Variants in TRIM48 observed in about 807,000 individuals in gnomAD.
TRIM48 encodes E3 ubiquitin-protein ligase TRIM48.
In TRIM48, 31 loss-of-function variants were observed where a neutral mutation model predicts 29.5. That is an observed-to-expected ratio of 1.05 (90% CI 0.79 to 1.42). The LOEUF (loss-of-function observed/expected upper bound fraction) is 1.42. TRIM48 is among the 40% of genes most tolerant of loss of function. TRIM48 has a pLI of 0.00. For missense variants in TRIM48, 344 were observed against 265.0 expected (o/e 1.30, Z -2.07); for synonymous variants, 128 against 90.6 (o/e 1.41, Z -2.34).
rs1857472411 is a variant in TRIM48 at position 55,270,774 on chromosome 11, G to A, written c.*339G>A. The A allele has an allele frequency of 4.4e-6, 7 of 1,573,092 alleles. 1 individual carries two copies. In the Admixed American group the frequency reaches 5.1e-5, roughly 12 times the overall value. On this transcript the variant is annotated 3_prime_UTR_variant, in exon 6 of 6. Transcript: ENST00000417545. ...TCTTTACCACCTCCCCAATTACACT[G>A]CAGTATGTCCCAAGACCTACCAACC...
rs1358839604 is a variant in TRIM48 at position 55,269,371 on chromosome 11, T to C, written c.*1+32T>C. The C allele has an allele frequency of 5.1e-6, 8 of 1,562,956 alleles. 1 individual carries two copies. The African/African-American group carries it at 6.8e-5, about 13-fold the overall frequency. ...CTCCACCCACAGGCAGCACCCCCACTATCTAAATATTATTATTGTTAGGAT... is the reference window on the plus strand; with the variant it reads ...CTCCACCCACAGGCAGCACCCCCACCATCTAAATATTATTATTGTTAGGAT... On this transcript the variant is annotated intron_variant, in intron 5 of 5. Coordinates refer to ENST00000417545, the MANE Select transcript of TRIM48 (RefSeq NM_024114.5).
At chr11:55,269,971 G>C (rs1417707748) in intron 5 of TRIM48, among the ~76,000 whole-genome samples, 2 of 147,892 alleles carry the variant, frequency 1.4e-5, no homozygotes. Context: ...GCAGAAATCT[G>C]CTTCAAATGA....
rs1223900177 is a variant in TRIM48, at chr11:55,269,109, A to G, written c.579-133A>G. On this transcript the variant is annotated intron_variant, in intron 4 of 5. Transcript: ENST00000417545. ...ACTGTAAATAGAAATTAATTCCAAA[A>G]AGGAAGGAATAATTTTTGAATTATC... The G allele has an allele frequency of 5.2e-6, 7 of 1,344,294 alleles. 1 individual carries two copies. The highest frequency in any genetic ancestry group is 1.5e-5 in the African/African-American group (1 of 68,384). 83.3% of individuals were successfully genotyped at this position (1,344,294 alleles called of 1,614,324 possible).
Position 55,262,213 on chromosome 11 carries a change from A to C in TRIM48, c.-55A>C. ...GGGAGCTGTGTTTTGGTGACCTCTGAAACTCAGTACTGCAGCGAATGAGCT... is the reference window on the plus strand; with the variant it reads ...GGGAGCTGTGTTTTGGTGACCTCTGCAACTCAGTACTGCAGCGAATGAGCT... On this transcript the variant is annotated 5_prime_UTR_variant, in exon 1 of 6. Coordinates refer to ENST00000417545, the MANE Select transcript of TRIM48 (RefSeq NM_024114.5). 1 of 1,448,220 alleles carries C rather than the reference A, an allele frequency of 6.9e-7. No homozygotes were observed. Among genetic ancestry groups the C allele is most frequent in the Non-Finnish European group, 9.5e-7 (1 of 1,054,800 alleles). The allele number at this position is 1,448,220 out of a possible 1,614,324, so 89.7% of individuals were successfully genotyped here. A position where few individuals can be genotyped will look rare whatever the true frequency, so the allele number is the denominator to read the frequency against.
chr11:55,268,303 T>G (rs780396000), intron 3 of TRIM48, 47 bp from the exon 4 acceptor site: 2 of 1,445,246 alleles, frequency 1.4e-6, no homozygotes, highest in African/African-American at 2.9e-5. Flanking sequence ...TAATGAAAGA[T>G]GCATCTTGTG....
At position 55,264,839 on chromosome 11, in the gene TRIM48, A is replaced by G. The variant is rs1218604367; in HGVS notation, c.45-61A>G. 46 of 1,571,544 alleles carry G rather than the reference A, an allele frequency of 2.9e-5. 7 individuals carry two copies. Among genetic ancestry groups the G allele is most frequent in the Non-Finnish European group, 3.7e-5 (43 of 1,158,272 alleles). On this transcript the variant is annotated intron_variant, in intron 1 of 5. Coordinates refer to ENST00000417545, the MANE Select transcript of TRIM48 (RefSeq NM_024114.5). ...AACTATAGCTATCACTTATCTCCAC[A>G]TGTTCAGAAGCTTTTCATCAACCCA...
At position 55,264,988 on chromosome 11, in the gene TRIM48, G is replaced by A. The variant is rs1211437895; in HGVS notation, c.133G>A (p.Asp45Asn). The change falls in exon 2 of 6, where the codon GAC becomes AAC. Residue 45 changes from aspartate to asparagine, a missense_variant. Transcript: ENST00000417545. ...MNYFIDPVTI[D>N]CGHSFCRPCF... The stretch of plus-strand genomic sequence containing the variant: ...CTACTTCATAGACCCGGTCACCATA[G>A]ACTGTGGGCACAGCTTTTGCAGGCC... The A allele has an allele frequency of 1.9e-6, 3 of 1,584,636 alleles. No individual in the cohort carries two copies. Among genetic ancestry groups the A allele is most frequent in the Non-Finnish European group, 2.6e-6 (3 of 1,166,404 alleles).
At chr11:55,264,701 G>T (rs10896569) in intron 1 of TRIM48, among the ~76,000 whole-genome samples, 199 bp from the exon 2 acceptor site, 2 of 146,942 alleles carry the variant, frequency 1.4e-5, no homozygotes, top group Non-Finnish European at 3.0e-5. Context: ...GGGTTGTGAG[G>T]CATCTAGTCA....
chr11:55,270,636 G>A lies in TRIM48; in HGVS notation c.*201G>A. On this transcript the variant is annotated 3_prime_UTR_variant, in exon 6 of 6. Transcript: ENST00000417545. The stretch of plus-strand genomic sequence containing the variant: ...TCCATGTGGGGGACTCTTGGAATTG[G>A]GCTTTTGGTGTCTGTAATAAGTATT... The A allele has an allele frequency of 6.3e-7, 1 of 1,581,580 alleles. No individual in the cohort carries two copies. Among genetic ancestry groups the A allele is most frequent in the Non-Finnish European group, 8.6e-7 (1 of 1,164,182 alleles).
rs769780139 is a variant in TRIM48, at chr11:55,265,256, C to T, written c.401C>T (p.Ser134Phe). Residue 134 changes from serine to phenylalanine, a missense_variant, in exon 2 of 6, where the codon TCT becomes TTT. Coordinates refer to ENST00000417545, the MANE Select transcript of TRIM48 (RefSeq NM_024114.5). The part of the protein sequence containing the change: ...RSLLCLLCSS[S>F]QEHRYHRHCP... Reference sequence around the variant, plus strand: ...CTGCTCTGTTTGCTGTGCTCCAGCTCTCAGGAGCACCGGTATCACAGACAC... The same window carrying T: ...CTGCTCTGTTTGCTGTGCTCCAGCTTTCAGGAGCACCGGTATCACAGACAC... The T allele has an allele frequency of 1.1e-5, 18 of 1,582,378 alleles. 1 individual carries two copies. Among genetic ancestry groups the T allele is most frequent in the Non-Finnish European group, 1.5e-5 (18 of 1,166,162 alleles).
chr11:55,269,934 G>A lies in TRIM48; in HGVS notation c.*2-503G>A, dbSNP rs964049618. On this transcript the variant is annotated intron_variant, in intron 5 of 5. Coordinates refer to ENST00000417545, the MANE Select transcript of TRIM48 (RefSeq NM_024114.5). ...CTTCAGCCCCAAGCTAACATGGAGG[G>A]CCACAGAGAGACTGGTAAAAGATTT... 1.4e-5 allele frequency among the ~76,000 whole-genome samples: 2 copies of A among 147,718 alleles called. 1 individual carries two copies. Among genetic ancestry groups the A allele is most frequent in the East Asian group, 4.3e-4 (2 of 4,680 alleles).
At chr11:55,263,277 A>T (rs1352250971) in intron 1 of TRIM48, among the ~76,000 whole-genome samples, 6 of 152,180 alleles carry the variant, frequency 3.9e-5, no homozygotes, top group Non-Finnish European at 5.9e-5. Context: ...TCTAGGAGCA[A>T]TAGGCTGTAC....
chr11:55,265,145 G>T lies in TRIM48; in HGVS notation c.290G>T (p.Ser97Ile), dbSNP rs1554966947. The T allele has an allele frequency of 1.9e-5, 30 of 1,582,710 alleles. 2 individuals carry two copies. The highest frequency in any genetic ancestry group is 2.5e-5 in the Non-Finnish European group (29 of 1,166,196). ...KKMASLARKASLWLFLSSEEQ... is the reference protein window; with the variant it reads ...KKMASLARKAILWLFLSSEEQ... Reference sequence around the variant, plus strand: ...ATGGCTTCCCTTGCCAGAAAAGCCAGTCTCTGGCTATTCCTGAGCTCTGAG... The same window carrying T: ...ATGGCTTCCCTTGCCAGAAAAGCCATTCTCTGGCTATTCCTGAGCTCTGAG... The change falls in exon 2 of 6, where the codon AGT (serine) becomes ATT (isoleucine). Residue 97 changes from serine to isoleucine, a missense_variant. Ser to Ile is a moderately radical substitution (Grantham distance 142, BLOSUM62 -2). Coordinates refer to ENST00000417545, the MANE Select transcript of TRIM48 (RefSeq NM_024114.5).
In TRIM48 at chr11:55,270,520, C is replaced by A. The variant is rs564285130; in HGVS notation, c.*85C>A. The A allele has an allele frequency of 1.3e-6, 2 of 1,580,070 alleles. No homozygotes were observed. The highest frequency in any genetic ancestry group is 1.7e-6 in the Non-Finnish European group (2 of 1,164,210). On this transcript the variant is annotated 3_prime_UTR_variant, in exon 6 of 6. Coordinates refer to ENST00000417545, the MANE Select transcript of TRIM48 (RefSeq NM_024114.5). ...GAGAAGCATTTGTATTGGATGTGAC[C>A]GTCAAAATCCGCCCCATATCACTGC...
rs998554753 is a variant in TRIM48 at position 55,270,524 on chromosome 11, A to C, written c.*89A>C. ...AGCATTTGTATTGGATGTGACCGTC[A>C]AAATCCGCCCCATATCACTGCAACA... On this transcript the variant is annotated 3_prime_UTR_variant, in exon 6 of 6. Transcript: ENST00000417545. The C allele has an allele frequency of 2.0e-5, 31 of 1,581,422 alleles. 3 individuals carry two copies. The highest frequency in any genetic ancestry group is 9.6e-5 in the South Asian group (8 of 83,552).
rs191546898 is a variant in TRIM48, at chr11:55,270,827, C to T, written c.*392C>T. 1 of 1,574,054 alleles carries T rather than the reference C, an allele frequency of 6.4e-7. No homozygotes were observed. On this transcript the variant is annotated 3_prime_UTR_variant, in exon 6 of 6. Coordinates refer to ENST00000417545, the MANE Select transcript of TRIM48 (RefSeq NM_024114.5). ...GTAGAATTATTCCTGGATTGTGAAG[C>T]TAGAACTGTGAGCTTCGTTGATGTT... is the stretch of plus-strand genomic sequence containing the variant.
chr11:55,262,921 A>T (rs1197817068), intron 1 of TRIM48, among the ~76,000 whole-genome samples: 15 of 152,170 alleles, frequency 9.9e-5, no homozygotes, highest in Non-Finnish European at 4.4e-5. Flanking sequence ...ACCTCTGGAG[A>T]ATATTTACAA....
chr11:55,264,887 C>G lies in TRIM48; in HGVS notation c.45-13C>G, dbSNP rs1306705007. The G allele has an allele frequency of 1.3e-6, 2 of 1,582,956 alleles. No homozygotes were observed. The highest frequency in any genetic ancestry group is 1.7e-5 in the Admixed American group (1 of 58,526). On this transcript the variant is annotated splice_polypyrimidine_tract_variant and intron_variant, in intron 1 of 5. Coordinates refer to ENST00000417545, the MANE Select transcript of TRIM48 (RefSeq NM_024114.5). ...CCAGACCCCAAAATGACATGCTGCTCTTTCTTCCTCAGAAACATGAATTCT... is the reference window on the plus strand; with the variant it reads ...CCAGACCCCAAAATGACATGCTGCTGTTTCTTCCTCAGAAACATGAATTCT...
chr11:55,266,933 T>A (rs2120109431), intron 3 of TRIM48, among the ~76,000 whole-genome samples: 1 of 147,962 alleles, frequency 6.8e-6, no homozygotes, highest in Middle Eastern at 3.5e-3. Flanking sequence ...AATGGCCAAA[T>A]CATAAATGCA....
Sources: gnomAD v4.1 joint callset for allele counts (sites outside exome capture counted in the v4.1 genomes callset) on GRCh38, gnomAD v4.1.1 for gene constraint, MANE v1.5 for transcripts, NCBI Gene and HGNC (gene_info 2026-07-23, HGNC 2026-07-21) for gene names.